The following MCF2L variants were observed in gnomAD, a reference collection of about 807,000 sequenced individuals.
The protein encoded by MCF2L is MCF.2 cell line derived transforming sequence like.
MCF2L carries 97 observed loss-of-function variants against 153.4 expected under a neutral mutation model. That is an observed-to-expected ratio of 0.63 (90% CI 0.54 to 0.75). The LOEUF (loss-of-function observed/expected upper bound fraction) is 0.75, where lower values mean the gene tolerates loss of function less well. Among genes scored for constraint, MCF2L ranks in the 30% least tolerant of loss-of-function variants. The pLI is 0.00. For synonymous variants in MCF2L, 659 were observed against 632.2 expected (o/e 1.04, Z -0.64); for missense variants, 1,347 against 1,495.2 (o/e 0.90, Z 1.64).
Position 112,941,363 on chromosome 13 carries a change from A to T in MCF2L, c.169+38992A>T, listed in dbSNP as rs989017974. Among the ~76,000 whole-genome samples the T allele has an allele frequency of 2.0e-5, 3 of 149,064 alleles. No individual in the cohort carries two copies. The highest frequency in any genetic ancestry group is 1.9e-4 in the East Asian group (1 of 5,156). ...ATAATTCAAATAGAAATTATATCAA[A>T]ATATATATATTTGAATATATTATAT... On this transcript the variant is annotated intron_variant, in intron 2 of 29. Transcript: ENST00000375608. The surrounding 1 kb of genome is among the most constrained non-coding windows in gnomAD (Gnocchi z 4.9).
At position 113,064,528 on chromosome 13, in the gene MCF2L, C is replaced by T. The variant is rs2032057526; in HGVS notation, c.606+108C>T. The T allele has an allele frequency of 2.8e-6, 2 of 711,348 alleles. No homozygotes were observed. Among genetic ancestry groups the T allele is most frequent in the Admixed American group, 2.1e-5 (1 of 47,220 alleles). 44.1% of individuals were successfully genotyped at this position (711,348 alleles called of 1,614,324 possible). On this transcript the variant is annotated intron_variant, in intron 6 of 29. Transcript: ENST00000535094. This position sits in a 1 kb window ranked among gnomAD's most constrained non-coding sequence, Gnocchi z 6.0. ...CTTTCCAAAAACACATTCACATTAA[C>T]AGTCGTTTTCTTTCCCAAGAATGAG...
In MCF2L at chr13:113,035,598, G is replaced by C. The variant is rs1044845879; in HGVS notation, c.279-9673G>C. On this transcript the variant is annotated intron_variant, in intron 3 of 29. Transcript: ENST00000535094. The surrounding 1 kb of genome is among the most constrained non-coding windows in gnomAD (Gnocchi z 4.4). The stretch of plus-strand genomic sequence containing the variant: ...TTTCTTCCATGAGGATGCGGTTCCC[G>C]TGTCCCCCAGGACAGCTTCGTGGCC... Among the ~76,000 whole-genome samples the C allele has an allele frequency of 1.3e-5, 2 of 152,146 alleles. No individual in the cohort carries two copies. Among genetic ancestry groups the C allele is most frequent in the Non-Finnish European group, 2.9e-5 (2 of 68,034 alleles).
chr13:112,991,882 G>A (rs1035065632), intron 1 of MCF2L, among the ~76,000 whole-genome samples: 9 of 152,176 alleles, frequency 5.9e-5, no homozygotes, highest in African/African-American at 1.2e-4. Context: ...TTCAGCCCAC[G>A]AAAACAATTT....
At chr13:113,093,016 G>A (rs929625354) in intron 26 of MCF2L, among the ~76,000 whole-genome samples, 3 of 152,072 alleles carry the variant, frequency 2.0e-5, no homozygotes, top group Non-Finnish European at 4.4e-5. Flanking sequence ...ACACACAGCA[G>A]CCCCCCTTTT....
intron 8 of MCF2L, 121 bp downstream of exon 8, chr13:113,066,291 C>G: frequency 9.9e-6 from 12 of 1,215,882 alleles, no homozygotes; most frequent in Non-Finnish European, 1.2e-5. Context: ...GCAGGCAACC[C>G]CACTCCTGGC....
intron 3 of MCF2L, chr13:113,044,675 G>C: frequency 6.2e-7 from 1 of 1,612,408 alleles, no homozygotes; most frequent in Non-Finnish European, 8.5e-7. Context: ...AGGCTCATCC[G>C]AGGACGGAGG....
At chr13:113,078,988 C>T (rs949759315) in intron 15 of MCF2L, among the ~76,000 whole-genome samples, 1 of 152,224 alleles carries the variant, frequency 6.6e-6, no homozygotes, top group Non-Finnish European at 1.5e-5. Flanking sequence ...GAAGAGAGGG[C>T]GATGGCTGAA....
intron 2 of MCF2L, among the ~76,000 whole-genome samples, chr13:112,939,504 C>T (rs565296441): frequency 9.8e-5 from 15 of 152,302 alleles, no homozygotes; most frequent in African/African-American, 3.6e-4. Context: ...AATAAAAATC[C>T]AACCACAAAC....
At chr13:112,999,529 A>G (rs1039344101) in intron 1 of MCF2L, among the ~76,000 whole-genome samples, 2 of 152,188 alleles carry the variant, frequency 1.3e-5, no homozygotes, top group African/African-American at 4.8e-5. Context: ...CTCCATCTGC[A>G]TCAGCCGCTG....
chr13:113,035,309 TA>T lies in MCF2L; in HGVS notation c.279-9959del, dbSNP rs991457328. On this transcript the variant is annotated intron_variant, in intron 3 of 29. Coordinates refer to ENST00000535094, the MANE Select transcript of MCF2L (RefSeq NM_001112732.3). This position sits in a 1 kb window ranked among gnomAD's most constrained non-coding sequence, Gnocchi z 4.4. Reference sequence around the variant, plus strand: ...CATATTTTACTCTAAGGCCTGTCTGTAAACCCTAATAAATGACCCTACTCAG... The same window carrying T: ...CATATTTTACTCTAAGGCCTGTCTGTAACCCTAATAAATGACCCTACTCAG... 1.3e-5 allele frequency among the ~76,000 whole-genome samples: 2 copies of T among 152,250 alleles called. No individual in the cohort carries two copies. The highest frequency in any genetic ancestry group is 6.5e-5 in the Admixed American group (1 of 15,288).
intron 9 of MCF2L, among the ~76,000 whole-genome samples, chr13:113,073,581 A>T (rs1048854389): frequency 1.3e-5 from 2 of 152,218 alleles, no homozygotes; most frequent in African/African-American, 4.8e-5. Context: ...AATAACAAAA[A>T]TTAAAAGCTT....
At position 113,075,312 on chromosome 13, in the gene MCF2L, G is replaced by C. The variant is rs1323911826; in HGVS notation, c.1308+123G>C. On this transcript the variant is annotated intron_variant, in intron 11 of 29. Coordinates refer to ENST00000535094, the MANE Select transcript of MCF2L (RefSeq NM_001112732.3). Reference sequence around the variant, plus strand: ...AGCTCTTTGGCTGGAAAATGTCCTTGCACCCTTCGTTTCTGGTCTTGTTGG... The same window carrying C: ...AGCTCTTTGGCTGGAAAATGTCCTTCCACCCTTCGTTTCTGGTCTTGTTGG... 1.0e-4 allele frequency: 82 copies of C among 821,762 alleles called. 1 individual carries two copies. In the East Asian group the frequency reaches 2.4e-3, roughly 24 times the overall value. The allele number at this position is 821,762 out of a possible 1,614,324, so 50.9% of individuals were successfully genotyped here.
chr13:113,066,927 C>A (rs2032463435), intron 8 of MCF2L, among the ~76,000 whole-genome samples: 1 of 152,250 alleles, frequency 6.6e-6, no homozygotes, highest in Non-Finnish European at 1.5e-5. Flanking sequence ...GCAGCGTGGC[C>A]CACACCCTGA....
At chr13:113,008,671 C>A (rs1378598849) in intron 1 of MCF2L, 2 of 152,216 alleles carry the variant, frequency 1.3e-5, no homozygotes, top group Non-Finnish European at 2.9e-5. Flanking sequence ...AAAGAGGGAC[C>A]TCCGTGACCA....
At chr13:113,050,942 G>GTCC (rs1278291746) in intron 4 of MCF2L, among the ~76,000 whole-genome samples, 1 of 152,062 alleles carries the variant, frequency 6.6e-6, no homozygotes, top group Non-Finnish European at 1.5e-5. Context: ...AGAGGGCCAG[G>GTCC]TCCGTGTGCC....
chr13:112,949,461 A>G (rs1449078479), intron 2 of MCF2L, among the ~76,000 whole-genome samples: 3 of 152,222 alleles, frequency 2.0e-5, no homozygotes, highest in Non-Finnish European at 4.4e-5. Flanking sequence ...CCTCATGAAT[A>G]TAACACACAA....
At chr13:112,896,363 A>C (rs2081067792) in intron 1 of MCF2L, among the ~76,000 whole-genome samples, 1 of 152,028 alleles carries the variant, frequency 6.6e-6, no homozygotes, top group African/African-American at 2.4e-5. Flanking sequence ...ACCCTTGCTC[A>C]CATCGAGGAC....
chr13:113,065,122 G>T, intron 7 of MCF2L, 37 bp downstream of exon 7: 1 of 1,576,900 alleles, frequency 6.3e-7, no homozygotes, highest in Non-Finnish European at 8.6e-7. Flanking sequence ...GCTGTGGGGG[G>T]CTCCGGTCAG....
intron 2 of MCF2L, among the ~76,000 whole-genome samples, chr13:112,908,796 T>C (rs1315282654): frequency 6.6e-6 from 1 of 151,098 alleles, no homozygotes; most frequent in East Asian, 2.0e-4. Flanking sequence ...TGCACTGGCA[T>C]GATCTTGCAT....
Sources: gnomAD v4.1 joint callset for allele counts (sites outside exome capture counted in the v4.1 genomes callset) on GRCh38, gnomAD v4.1.1 for gene constraint, Gnocchi (gnomAD v3.1) non-coding constraint, MANE v1.5 for transcripts, NCBI Gene and HGNC (gene_info 2026-07-23, HGNC 2026-07-21) for gene names.